The following TSPAN15 variants were observed in gnomAD, a reference collection of about 807,000 sequenced individuals.
TSPAN15 encodes tetraspanin-15.
TSPAN15 carries 20 observed loss-of-function variants against 34.5 expected under a neutral mutation model. The ratio of observed to expected loss-of-function variants is 0.58; its 90% CI spans 0.41 to 0.84. The LOEUF (loss-of-function observed/expected upper bound fraction) is 0.84, where lower values mean the gene tolerates loss of function less well. Ranked by LOEUF, TSPAN15 falls within the 40% of genes least tolerant of loss-of-function variation. TSPAN15 has a pLI of 0.00. For missense variants in TSPAN15, 313 were observed against 386.1 expected (o/e 0.81, Z 1.59); for synonymous variants, 155 against 153.9 (o/e 1.01, Z -0.05).
the TSPAN15 span, among the ~76,000 whole-genome samples, chr10:69,519,245 C>G: frequency 6.6e-6 from 1 of 152,068 alleles, no homozygotes; most frequent in Non-Finnish European, 1.5e-5. Context: ...GAGACCCTGT[C>G]TCTACAAATA....
intron 1 of TSPAN15, among the ~76,000 whole-genome samples, chr10:69,462,817 G>T (rs1841299553): frequency 1.3e-5 from 2 of 152,210 alleles, no homozygotes; most frequent in South Asian, 4.1e-4. Context: ...ATCTGGACAG[G>T]TTCTCTGAGC....
the TSPAN15 span, among the ~76,000 whole-genome samples, chr10:69,534,518 C>T: frequency 6.6e-6 from 1 of 151,988 alleles, no homozygotes; most frequent in Non-Finnish European, 1.5e-5. Context: ...ATAATCATAT[C>T]GGTGGTGATA....
intron 4 of TSPAN15, among the ~76,000 whole-genome samples, chr10:69,496,248 T>G (rs566900450): frequency 5.9e-5 from 9 of 151,586 alleles, no homozygotes; most frequent in Non-Finnish European, 1.3e-4. Flanking sequence ...GACACTTCCT[T>G]GAATGTGATG....
chr10:69,483,095 TCTC>T (rs1283605242), intron 1 of TSPAN15, among the ~76,000 whole-genome samples: 2 of 152,084 alleles, frequency 1.3e-5, no homozygotes, highest in East Asian at 3.9e-4. Context: ...TTCACGCCAT[TCTC>T]CTGCCTCAGC....
chr10:69,494,643 A>G, intron 3 of TSPAN15: 1 of 985,246 alleles, frequency 1.0e-6, no homozygotes, highest in Non-Finnish European at 1.2e-6. Context: ...AGGCCCAGAG[A>G]GGAGAAGTAA....
Position 69,497,770 on chromosome 10 carries a change from C to T in TSPAN15, c.454-510C>T, listed in dbSNP as rs138615002. ...CAGGGAGGGGAGGCAGGGAGGGGCTCGGCTAAGGGGAGAGCTCCAGGCAGG... is the reference window on the plus strand; with the variant it reads ...CAGGGAGGGGAGGCAGGGAGGGGCTTGGCTAAGGGGAGAGCTCCAGGCAGG... On this transcript the variant is annotated intron_variant, in intron 4 of 7. Coordinates refer to ENST00000373290, the MANE Select transcript of TSPAN15 (RefSeq NM_012339.5). Among the ~76,000 whole-genome samples, 17 of 152,194 alleles carry T rather than the reference C, an allele frequency of 1.1e-4. No individual in the cohort carries two copies. In the South Asian group the frequency reaches 2.9e-3, roughly 26 times the overall value.
intron 1 of TSPAN15, among the ~76,000 whole-genome samples, chr10:69,475,523 C>G (rs182456928): frequency 6.6e-6 from 1 of 152,152 alleles, no homozygotes; most frequent in South Asian, 2.1e-4. Context: ...TTCCCCAAAA[C>G]AGCCCAGGGC....
rs559863036 is a variant in TSPAN15 at position 69,506,225 on chromosome 10, C to T, written c.720C>T (p.Gly240=). The T allele has an allele frequency of 6.2e-6, 10 of 1,614,196 alleles. No homozygotes were observed. The East Asian group carries it at 2.0e-4, about 32-fold the overall frequency. Residue 240 remains glycine, a synonymous_variant, in exon 7 of 8, where the codon GGC becomes GGT. Transcript: ENST00000373290. This position sits in a 1 kb window ranked among gnomAD's most constrained non-coding sequence, Gnocchi z 4.7. The part of the protein sequence containing the change: ...NYTIMAGILL[G]ILLPQFLGVL... Reference sequence around the variant, plus strand: ...CCATCATGGCGGGCATCCTCCTGGGCATCCTGCTTCCCCAGGTGGGCAGGC... The same window carrying T: ...CCATCATGGCGGGCATCCTCCTGGGTATCCTGCTTCCCCAGGTGGGCAGGC...
chr10:69,452,542 C>T (rs188116008), intron 1 of TSPAN15, among the ~76,000 whole-genome samples: 65 of 152,140 alleles, frequency 4.3e-4, no homozygotes, highest in Admixed American at 9.2e-4. Flanking sequence ...GTAGGATGCT[C>T]GCGGAGATTA....
chr10:69,515,061 G>A, the TSPAN15 span, among the ~76,000 whole-genome samples: 1 of 152,160 alleles, frequency 6.6e-6, no homozygotes, highest in Non-Finnish European at 1.5e-5. Context: ...TGTCCCTGTG[G>A]CATTTCTCAG....
At chr10:69,486,879 G>A (rs3793837) in intron 3 of TSPAN15, among the ~76,000 whole-genome samples, 6,067 of 152,298 alleles carry the variant, frequency 0.04, 385 homozygotes, top group African/African-American at 0.13. Flanking sequence ...TTGCCCATGA[G>A]GCTGCTTCTC....
chr10:69,451,760 G>A (rs773431214), intron 1 of TSPAN15, 70 bp downstream of exon 1: 572 of 1,292,872 alleles, frequency 4.4e-4, no homozygotes, highest in Non-Finnish European at 5.5e-4. Flanking sequence ...TCACTGGCCC[G>A]GGGTTGGGTC....
intron 2 of TSPAN15, among the ~76,000 whole-genome samples, chr10:69,484,880 C>T (rs1481799169): frequency 6.6e-6 from 1 of 152,206 alleles, no homozygotes; most frequent in Non-Finnish European, 1.5e-5. Flanking sequence ...CATAGACCCC[C>T]AAGACAAATG....
At chr10:69,458,745 C>T (rs1043202478) in intron 1 of TSPAN15, among the ~76,000 whole-genome samples, 2 of 152,208 alleles carry the variant, frequency 1.3e-5, no homozygotes, top group Non-Finnish European at 2.9e-5. Flanking sequence ...TTTGGAGAAC[C>T]TTCCAACACC....
At chr10:69,497,094 C>T (rs1395388046) in intron 4 of TSPAN15, among the ~76,000 whole-genome samples, 1 of 152,206 alleles carries the variant, frequency 6.6e-6, no homozygotes, top group Non-Finnish European at 1.5e-5. Context: ...GGCTGACCAA[C>T]TTGCCTGAGG....
Position 69,498,277 on chromosome 10 carries a change from C to T in TSPAN15, c.454-3C>T, listed in dbSNP as rs1842129051. ...GCTCCTCTTTCCTGCTTGCTTCCCT[C>T]AGTTCAAGTGCTGTGGCGGGGAGGA... On this transcript the variant is annotated splice_polypyrimidine_tract_variant and splice_region_variant and intron_variant, in intron 4 of 7. Coordinates refer to ENST00000373290, the MANE Select transcript of TSPAN15 (RefSeq NM_012339.5). 1.2e-6 allele frequency: 2 copies of T among 1,613,588 alleles called. 1 individual carries two copies.
chr10:69,503,380 G>T (rs1842249935), intron 5 of TSPAN15, among the ~76,000 whole-genome samples: 1 of 152,244 alleles, frequency 6.6e-6, no homozygotes, highest in Admixed American at 6.5e-5. Flanking sequence ...CATGTGCCCA[G>T]CCCCGTGATA....
intron 1 of TSPAN15, among the ~76,000 whole-genome samples, chr10:69,465,872 G>A (rs1014685690): frequency 4.6e-5 from 7 of 152,192 alleles, no homozygotes; most frequent in African/African-American, 1.7e-4. Context: ...CCGAAGCTCT[G>A]CGCTTCCAGA....
At position 69,498,404 on chromosome 10, in the gene TSPAN15, C is replaced by A. The variant is rs761860160; in HGVS notation, c.570+8C>A. On this transcript the variant is annotated splice_region_variant and intron_variant, in intron 5 of 7. Coordinates refer to ENST00000373290, the MANE Select transcript of TSPAN15 (RefSeq NM_012339.5). ...TGCTGCATCAGGAACACGGTAGACA[C>A]TGCTCCTGTGGGGACTGGGGGGCTG... The A allele has an allele frequency of 1.2e-6, 2 of 1,609,506 alleles. No individual in the cohort carries two copies. Among genetic ancestry groups the A allele is most frequent in the Non-Finnish European group, 8.5e-7 (1 of 1,175,926 alleles).
Sources: allele counts gnomAD v4.1 joint callset (sites outside exome capture counted in the v4.1 genomes callset), GRCh38; gene constraint gnomAD v4.1.1; non-coding constraint Gnocchi (gnomAD v3.1); transcripts MANE v1.5; gene names NCBI Gene and HGNC (gene_info 2026-07-23, HGNC 2026-07-21).